LRRC7: variants seen among roughly 807,000 people sequenced by gnomAD.
The protein encoded by LRRC7 is leucine rich repeat containing 7.
In LRRC7, 23 loss-of-function variants were observed where a neutral mutation model predicts 175.7. The observed-to-expected ratio is 0.13, with a 90% CI of 0.09 to 0.19. LRRC7 has a LOEUF of 0.19. Ranked by LOEUF, LRRC7 falls within the 10% of genes least tolerant of loss-of-function variation. The pLI, the probability that LRRC7 is intolerant of heterozygous loss-of-function variation, is 1.00. For synonymous variants in LRRC7, 685 were observed against 680.9 expected, an observed-to-expected ratio of 1.01 and a Z score of -0.09; for missense variants, 1,354 against 1,904.7, an observed-to-expected ratio of 0.71 and a Z score of 5.38.
chr1:69,728,903 G>A (rs538062793), intron 2 of LRRC7, among the ~76,000 whole-genome samples: 2 of 152,272 alleles, frequency 1.3e-5, no homozygotes, highest in East Asian at 3.9e-4. Context: ...AATTTATAAA[G>A]GAAAGAACTT....
chr1:69,678,418 T>C lies in LRRC7; in HGVS notation c.40T>C (p.Tyr14His). The change falls in exon 2 of 27, where the codon TAC becomes CAC. Residue 14 changes from tyrosine to histidine, a missense_variant. Coordinates refer to ENST00000651989, the MANE Select transcript of LRRC7 (RefSeq NM_001370785.2). ...NLIRGRNPPQYQRSPCKEVRA... is the reference protein window; with the variant it reads ...NLIRGRNPPQHQRSPCKEVRA... The stretch of plus-strand genomic sequence containing the variant: ...AATAAGGGGAAGGAATCCCCCGCAA[T>C]ACCAGAGAAGTCCTTGTAAAGAGGT... 1 of 1,604,854 alleles carries C rather than the reference T, an allele frequency of 6.2e-7. No homozygotes were observed. The highest frequency in any genetic ancestry group is 2.2e-5 in the East Asian group (1 of 44,694).
At chr1:69,590,234 T>C (rs1471423572) in intron 1 of LRRC7, among the ~76,000 whole-genome samples, 1 of 152,182 alleles carries the variant, frequency 6.6e-6, no homozygotes, top group Non-Finnish European at 1.5e-5. Flanking sequence ...CTGTGTGGTA[T>C]AGTTCCAACT....
chr1:69,569,053 C>T (rs562757693), intron 1 of LRRC7, among the ~76,000 whole-genome samples: 3 of 130,416 alleles, frequency 2.3e-5, no homozygotes, highest in South Asian at 5.5e-4. Flanking sequence ...GGATGAAGCG[C>T]GTGTTTGATC....
At position 69,675,477 on chromosome 1, in the gene LRRC7, G is replaced by A. The variant is rs1260697904; in HGVS notation, c.3-2904G>A. 3.3e-5 allele frequency among the ~76,000 whole-genome samples: 5 copies of A among 152,234 alleles called. No individual in the cohort carries two copies. The East Asian group carries it at 9.6e-4, about 29-fold the overall frequency. On this transcript the variant is annotated intron_variant, in intron 1 of 26. Transcript: ENST00000651989. Reference sequence around the variant, plus strand: ...CAACATAACTTGTCATTCCCCATCAGAGTGTAATCACAATGAGTAAAAGTG... The same window carrying A: ...CAACATAACTTGTCATTCCCCATCAAAGTGTAATCACAATGAGTAAAAGTG...
intron 11 of LRRC7, among the ~76,000 whole-genome samples, chr1:69,996,947 TAGCTTG>T (rs1264711251): frequency 6.6e-6 from 1 of 152,224 alleles, no homozygotes; most frequent in Non-Finnish European, 1.5e-5. Context: ...AAGGCATTGG[TAGCTTG>T]ATGGGGATGG....
chr1:70,103,602 A>G (rs1353461330), intron 25 of LRRC7, among the ~76,000 whole-genome samples: 1 of 152,212 alleles, frequency 6.6e-6, no homozygotes, highest in Non-Finnish European at 1.5e-5. Flanking sequence ...ATTTTAGCCC[A>G]GTGAGACCTA....
At chr1:69,719,321 TGAATGAATGAAA>T (rs1470285262) in intron 2 of LRRC7, among the ~76,000 whole-genome samples, 2 of 151,748 alleles carry the variant, frequency 1.3e-5, no homozygotes, top group Admixed American at 6.6e-5. Flanking sequence ...AATAAATGAA[TGAATGAATGAAA>T]GAATGAATCA....
At chr1:69,816,320 G>T (rs66462709) in intron 4 of LRRC7, among the ~76,000 whole-genome samples, 8,931 of 152,116 alleles carry the variant, frequency 0.059, 540 homozygotes, top group African/African-American at 0.15. Context: ...ATTCATGAAG[G>T]CTCTGCTATC....
intron 7 of LRRC7, chr1:69,839,111 A>T (rs1258498331): frequency 3.9e-6 from 1 of 255,392 alleles, no homozygotes; most frequent in Non-Finnish European, 8.0e-6. Context: ...TAGGACTTAG[A>T]TTCATCTGCT....
intron 2 of LRRC7, among the ~76,000 whole-genome samples, chr1:69,707,745 T>A (rs928464179): frequency 6.6e-6 from 1 of 152,166 alleles, no homozygotes; most frequent in Non-Finnish European, 1.5e-5. Flanking sequence ...TAGATTATAG[T>A]CTTGGAGGTA....
At chr1:69,688,489 A>T (rs997860576) in intron 2 of LRRC7, among the ~76,000 whole-genome samples, 7 of 152,164 alleles carry the variant, frequency 4.6e-5, no homozygotes, top group Admixed American at 3.3e-4. Flanking sequence ...TAGAAATAAG[A>T]CAGGCGTCAG....
chr1:69,890,569 G>A (rs1218084419), intron 7 of LRRC7, among the ~76,000 whole-genome samples: 1 of 152,154 alleles, frequency 6.6e-6, no homozygotes, highest in African/African-American at 2.4e-5. Context: ...ATTTACCAGT[G>A]GCATTAGCCT....
chr1:69,591,094 A>G (rs779907973), intron 1 of LRRC7, among the ~76,000 whole-genome samples: 1 of 152,092 alleles, frequency 6.6e-6, no homozygotes, highest in Non-Finnish European at 1.5e-5. Flanking sequence ...AATTAATTCT[A>G]AAAAATCCTA....
In LRRC7 at chr1:70,089,833, A is replaced by G; in HGVS notation, c.4545+14A>G. 6.5e-7 allele frequency: 1 copy of G among 1,526,904 alleles called. No homozygotes were observed. The highest frequency in any genetic ancestry group is 1.1e-5 in the South Asian group (1 of 86,966). 94.6% of individuals were successfully genotyped at this position (1,526,904 alleles called of 1,614,324 possible). A position where few individuals can be genotyped will look rare whatever the true frequency, so the allele number is the denominator to read the frequency against. On this transcript the variant is annotated intron_variant, in intron 25 of 26. Coordinates refer to ENST00000651989, the MANE Select transcript of LRRC7 (RefSeq NM_001370785.2). Reference sequence around the variant, plus strand: ...CCTTCTGACAAGGTAAGAAATGAATATCTTGTTGACAATATTAATTAGAAA... The same window carrying G: ...CCTTCTGACAAGGTAAGAAATGAATGTCTTGTTGACAATATTAATTAGAAA...
chr1:69,635,010 G>T (rs1374217896), intron 1 of LRRC7, among the ~76,000 whole-genome samples: 8 of 152,110 alleles, frequency 5.3e-5, no homozygotes, highest in African/African-American at 1.7e-4. Context: ...TTGTGTTACG[G>T]GGGTTTGTTG....
At chr1:69,864,460 T>C (rs768310732) in intron 7 of LRRC7, among the ~76,000 whole-genome samples, 17 of 152,314 alleles carry the variant, frequency 1.1e-4, no homozygotes, top group Middle Eastern at 3.4e-3. Context: ...TGAAAAAGCA[T>C]ATTGGCCAGA....
intron 25 of LRRC7, among the ~76,000 whole-genome samples, chr1:70,090,430 A>G (rs1663940489): frequency 6.6e-6 from 1 of 151,924 alleles, no homozygotes; most frequent in Admixed American, 6.6e-5. Context: ...ACCAACTCTA[A>G]CCTCAGCCAT....
intron 7 of LRRC7, among the ~76,000 whole-genome samples, chr1:69,863,293 C>T (rs1206757304): frequency 6.6e-6 from 1 of 152,138 alleles, no homozygotes; most frequent in Non-Finnish European, 1.5e-5. Context: ...CATTCCAACC[C>T]CAGGCACCTT....
At chr1:69,876,096 G>T (rs1046022142) in intron 7 of LRRC7, among the ~76,000 whole-genome samples, 5 of 152,098 alleles carry the variant, frequency 3.3e-5, no homozygotes, top group African/African-American at 1.2e-4. Context: ...TTTTAGGAGT[G>T]CCTCAGAGAA....
Sources: gnomAD v4.1 joint callset for allele counts (sites outside exome capture counted in the v4.1 genomes callset) on GRCh38, gnomAD v4.1.1 for gene constraint, MANE v1.5 for transcripts, NCBI Gene and HGNC (gene_info 2026-07-23, HGNC 2026-07-21) for gene names.